PAX3: variants seen among roughly 807,000 people sequenced by gnomAD.
PAX3 encodes the protein paired box 3.
Under a neutral mutation model 51.6 loss-of-function variants are expected in PAX3, and 14 were observed. The ratio of observed to expected loss-of-function variants is 0.27; its 90% confidence interval spans 0.18 to 0.42. The LOEUF is 0.42. PAX3 is among the 10% of genes least tolerant of loss of function. PAX3 has a pLI of 1.00. For missense variants in PAX3, 540 were observed against 642.8 expected (o/e 0.84, Z 1.73); for synonymous variants, 280 against 253.4 (o/e 1.11, Z -1.00).
chr2:222,273,989 T>C (rs1248157336), intron 4 of PAX3, among the ~76,000 whole-genome samples: 1 of 152,190 alleles, frequency 6.6e-6, no homozygotes, highest in East Asian at 1.9e-4. Flanking sequence ...TTGGTACTTA[T>C]TTGGTTCCTA....
intron 4 of PAX3, among the ~76,000 whole-genome samples, chr2:222,272,870 T>C (rs1026661106): frequency 6.6e-6 from 1 of 152,188 alleles, no homozygotes; most frequent in Non-Finnish European, 1.5e-5. Flanking sequence ...TTATGACATG[T>C]TGACTGCCCT....
chr2:222,220,111 A>T, intron 7 of PAX3, 29 bp downstream of exon 7: 1 of 1,591,978 alleles, frequency 6.3e-7, no homozygotes, highest in African/African-American at 1.3e-5. Flanking sequence ...GTATACAGCA[A>T]ATCGTCTGTC....
At chr2:222,233,493 A>T (rs1237863096) in intron 4 of PAX3, among the ~76,000 whole-genome samples, 1 of 152,142 alleles carries the variant, frequency 6.6e-6, no homozygotes, top group Non-Finnish European at 1.5e-5. Context: ...GCAGGGGTGG[A>T]GCAGGCATTT....
intron 4 of PAX3, among the ~76,000 whole-genome samples, chr2:222,283,051 C>T (rs1694701400): frequency 6.6e-6 from 1 of 152,196 alleles, no homozygotes; most frequent in African/African-American, 2.4e-5. Context: ...ACCAAAGCTA[C>T]CAGAATTACA....
At chr2:222,244,254 A>G (rs1476843402) in intron 4 of PAX3, among the ~76,000 whole-genome samples, 27 of 152,210 alleles carry the variant, frequency 1.8e-4, no homozygotes, top group Admixed American at 1.8e-3. Flanking sequence ...AGGTGATATC[A>G]AAGGTTTGGG....
At chr2:222,296,367 C>T (rs1265691299) in intron 2 of PAX3, among the ~76,000 whole-genome samples, 2 of 152,200 alleles carry the variant, frequency 1.3e-5, no homozygotes, top group Admixed American at 6.5e-5. Context: ...GTAATTCCCT[C>T]CCACTCAGCC....
rs142651003 is a variant in PAX3 at position 222,221,306 on chromosome 2, C to T, written c.874G>A (p.Gly292Arg). The T allele has an allele frequency of 6.8e-6, 11 of 1,613,890 alleles. No homozygotes were observed. The African/African-American group carries it at 8.0e-5, about 12-fold the overall frequency. ...QLMAFNHLIP[G>R]GFPPTAMPTL... is the part of the protein sequence containing the mutation. ...GGCATGGCAGTGGGAGGGAACCCCC[C>T]GGGAATGAGATGGTTGAAAGCCATC... is the stretch of plus-strand genomic sequence containing the variant. The change falls in exon 6 of 9, where the codon GGG becomes AGG. Residue 292 changes from glycine (G) to arginine (R), a missense_variant. Physicochemically the swap from Gly to Arg is moderately radical, Grantham distance 125. Around this residue, in one of 3 missense-constraint regions of PAX3, gnomAD observed 427 missense variants for 483.6 expected, o/e 0.88. Coordinates refer to ENST00000392070, the MANE Select transcript of PAX3 (RefSeq NM_181458.4).
chr2:222,254,125 T>G (rs192001972), intron 4 of PAX3, among the ~76,000 whole-genome samples: 2 of 151,950 alleles, frequency 1.3e-5, no homozygotes, highest in Non-Finnish European at 2.9e-5. Flanking sequence ...TGACATCCAA[T>G]CTCCAGGAAA....
At chr2:222,273,310 A>T (rs1694313845) in intron 4 of PAX3, among the ~76,000 whole-genome samples, 1 of 152,126 alleles carries the variant, frequency 6.6e-6, no homozygotes, top group African/African-American at 2.4e-5. Flanking sequence ...ATATAACCAC[A>T]TGATTTTCGG....
At chr2:222,276,688 C>A (rs1374668612) in intron 4 of PAX3, among the ~76,000 whole-genome samples, 1 of 152,182 alleles carries the variant, frequency 6.6e-6, no homozygotes, top group Non-Finnish European at 1.5e-5. Context: ...CAGAGACCTA[C>A]AAGAAACATC....
At chr2:222,263,645 G>C (rs1056063673) in intron 4 of PAX3, 2 of 152,150 alleles carry the variant, frequency 1.3e-5, no homozygotes. Context: ...ATGAAAACTT[G>C]TGTTCACACA....
chr2:222,285,269 A>G (rs151131563), intron 4 of PAX3, among the ~76,000 whole-genome samples: 3 of 152,364 alleles, frequency 2.0e-5, no homozygotes, highest in African/African-American at 7.2e-5. Context: ...ATTTAAATAT[A>G]TGTTTGAAGA....
chr2:222,279,270 A>G (rs1287113787), intron 4 of PAX3, among the ~76,000 whole-genome samples: 1 of 151,310 alleles, frequency 6.6e-6, no homozygotes, highest in African/African-American at 2.4e-5. Flanking sequence ...TTGAGTATCT[A>G]TGTGAATGAG....
chr2:222,202,155 A>G lies in PAX3; in HGVS notation c.1209T>C (p.Pro403=). The G allele has an allele frequency of 6.2e-7, 1 of 1,608,616 alleles. No individual in the cohort carries two copies. ...MGLLTNHGGV[P]HQPQTDYALS... ...GCGCGTAATCAGTCTGGGGCTGATG[A>G]GGTACCCCACCGTGGTTGGTCAGGA... The change falls in exon 8 of 9, where the codon CCT becomes CCC. Residue 403 remains proline, a synonymous_variant. Coordinates refer to ENST00000392070, the MANE Select transcript of PAX3 (RefSeq NM_181458.4).
Position 222,298,878 on chromosome 2 carries a change from G to T in PAX3, c.-263C>A, listed in dbSNP as rs916286565. The T allele has an allele frequency of 3.0e-5, 17 of 567,550 alleles. No individual in the cohort carries two copies. Among genetic ancestry groups the T allele is most frequent in the Non-Finnish European group, 5.4e-5 (17 of 316,248 alleles). The allele number at this position is 567,550 out of a possible 1,614,324, so 35.2% of individuals were successfully genotyped here. A position where few individuals can be genotyped will look rare whatever the true frequency, so the allele number is the denominator to read the frequency against. On this transcript the variant is annotated 5_prime_UTR_variant, in exon 1 of 9. Coordinates refer to ENST00000392070, the MANE Select transcript of PAX3 (RefSeq NM_181458.4). ...GCGGAAAAGTTTGGTACGAGTCTGG[G>T]CAAATGTTCCAGCGACTGGGGTCCC...
chr2:222,219,649 C>G (rs1692106217), intron 7 of PAX3, among the ~76,000 whole-genome samples: 1 of 152,168 alleles, frequency 6.6e-6, no homozygotes, highest in African/African-American at 2.4e-5. Flanking sequence ...AGCTGGGTCT[C>G]TCTCCACAGG....
rs563090404 is a variant in PAX3 at position 222,236,818 on chromosome 2, C to G, written c.587-4535G>C. ...CTCAATCATATTTTACAGATGCCTT[C>G]ACAAAGAAAATTTCCTTCATTATTA... On this transcript the variant is annotated intron_variant, in intron 4 of 8. Transcript: ENST00000392070. Among the ~76,000 whole-genome samples the G allele has an allele frequency of 1.4e-4, 21 of 152,240 alleles. No individual in the cohort carries two copies. In the South Asian group the frequency reaches 2.1e-3, roughly 15 times the overall value.
chr2:222,220,043 G>A, intron 7 of PAX3, 97 bp downstream of exon 7: 1 of 1,016,886 alleles, frequency 9.8e-7, no homozygotes, highest in Admixed American at 2.0e-5. Context: ...AATACATTAT[G>A]GTTTAAATTT....
intron 4 of PAX3, among the ~76,000 whole-genome samples, chr2:222,257,604 T>C (rs6755469): frequency 0.27 from 40,872 of 152,180 alleles, 6,008 homozygotes; most frequent in Middle Eastern, 0.39. Context: ...TGACTACCTG[T>C]CTCCATTCAT....
Sources: gnomAD v4.1 joint callset for allele counts (sites outside exome capture counted in the v4.1 genomes callset) on GRCh38, gnomAD v4.1.1 for gene constraint, gnomAD v4.1.1 regional missense constraint, MANE v1.5 for transcripts, NCBI Gene and HGNC (gene_info 2026-07-23, HGNC 2026-07-21) for gene names.